Variants in CHD1L observed in about 807,000 individuals in gnomAD.
CHD1L encodes the protein chromodomain helicase DNA binding protein 1 like.
A neutral mutation model predicts 115.9 loss-of-function variants in CHD1L; 118 were observed. The observed-to-expected ratio is 1.02, with a 90% CI of 0.88 to 1.19. CHD1L has a LOEUF of 1.19. Among genes scored for constraint, CHD1L ranks in the 50% most tolerant of loss-of-function variants. CHD1L has a pLI of 0.00. For synonymous variants in CHD1L, 411 were observed against 387.1 expected, an observed-to-expected ratio of 1.06 and a Z score of -0.72; for missense variants, 1,179 against 1,065.3, an observed-to-expected ratio of 1.11 and a Z score of -1.49.
chr1:147,243,096 G>C (rs1319576710), intron 1 of CHD1L: 1 of 306,510 alleles, frequency 3.3e-6, no homozygotes, highest in Non-Finnish European at 5.9e-6. Context: ...GCCTGTGGAG[G>C]GGAAACGTGG....
intron 6 of CHD1L, among the ~76,000 whole-genome samples, chr1:147,261,605 T>G (rs1389910905): frequency 6.6e-6 from 1 of 152,010 alleles, no homozygotes; most frequent in African/African-American, 2.4e-5. Context: ...ACTGTGCCAG[T>G]TTACTAATTT....
chr1:147,209,164 A>G, the CHD1L span: 10 of 787,406 alleles, frequency 1.3e-5, no homozygotes, highest in East Asian at 8.9e-5. Context: ...TCACGCCTGT[A>G]ATCCCAGCAC....
chr1:147,287,795 C>T, intron 19 of CHD1L, 62 bp downstream of exon 19: 3 of 1,394,692 alleles, frequency 2.2e-6, no homozygotes, highest in Non-Finnish European at 3.0e-6. Flanking sequence ...ACACCTAAGA[C>T]TGTATCGTGA....
At chr1:147,258,203 C>G (rs1553941663) in intron 5 of CHD1L, among the ~76,000 whole-genome samples, 1 of 152,084 alleles carries the variant, frequency 6.6e-6, no homozygotes, top group Non-Finnish European at 1.5e-5. Flanking sequence ...CTCTTTGGAT[C>G]AAGAGGATTA....
intron 12 of CHD1L, 145 bp downstream of exon 12, chr1:147,272,426 A>G: frequency 6.7e-6 from 4 of 595,496 alleles, no homozygotes; most frequent in Non-Finnish European, 2.9e-6. Context: ...GACATCAAGC[A>G]TGGTGCTGTT....
At position 147,286,466 on chromosome 1, in the gene CHD1L, T is replaced by TG; in HGVS notation, c.2191dup (p.Ala731GlyfsTer12). The TG allele has an allele frequency of 6.2e-7, 1 of 1,613,956 alleles. No homozygotes were observed. The highest frequency in any genetic ancestry group is 8.5e-7 in the Non-Finnish European group (1 of 1,180,016). ...GTGGTGATGTCACCCACCCTCAGGCTGGGGCCGAGGATGCTCTCATTGTGC... is the reference window on the plus strand; with the variant it reads ...GTGGTGATGTCACCCACCCTCAGGCTGGGGGCCGAGGATGCTCTCATTGTGC... On this transcript the variant is annotated frameshift_variant, in exon 18 of 23. Coordinates refer to ENST00000369258, the MANE Select transcript of CHD1L (RefSeq NM_004284.6). LOFTEE classifies it high-confidence loss of function.
At chr1:147,275,937 C>A (rs587677377) in intron 13 of CHD1L, among the ~76,000 whole-genome samples, 167 bp from the exon 14 acceptor site, 4 of 152,124 alleles carry the variant, frequency 2.6e-5, no homozygotes, top group Admixed American at 2.0e-4. Flanking sequence ...GAATTTCAGG[C>A]GAGTTCTCTC....
chr1:147,269,100 C>T (rs1281135675), intron 10 of CHD1L, among the ~76,000 whole-genome samples: 2 of 152,160 alleles, frequency 1.3e-5, no homozygotes. Flanking sequence ...CACTTATAAT[C>T]CTAATCCAGC....
At chr1:147,192,709 T>C in the CHD1L span, among the ~76,000 whole-genome samples, 2 of 152,004 alleles carry the variant, frequency 1.3e-5, no homozygotes, top group Non-Finnish European at 2.9e-5. Flanking sequence ...TTATTGAGAG[T>C]TTTTAGCATG....
At chr1:147,182,228 A>T in the CHD1L span, among the ~76,000 whole-genome samples, 1 of 152,206 alleles carries the variant, frequency 6.6e-6, no homozygotes, top group Non-Finnish European at 1.5e-5. Flanking sequence ...AAGTTCTTCC[A>T]ATAAGACTAA....
At chr1:147,265,782 A>G (rs1673646677) in intron 7 of CHD1L, 150 bp from the exon 8 acceptor site, 2 of 611,232 alleles carry the variant, frequency 3.3e-6, no homozygotes, top group Admixed American at 7.3e-5. Flanking sequence ...CAATGAAGGA[A>G]GAAATACTAT....
chr1:147,284,229 A>C, intron 15 of CHD1L, 122 bp from the exon 16 acceptor site: 1 of 715,710 alleles, frequency 1.4e-6, no homozygotes, highest in Non-Finnish European at 2.2e-6. Flanking sequence ...CTTCCTTCAT[A>C]TGGACTTAGC....
the CHD1L span, among the ~76,000 whole-genome samples, chr1:147,236,102 G>T: frequency 1.3e-5 from 2 of 152,286 alleles, no homozygotes; most frequent in South Asian, 4.1e-4. Flanking sequence ...GCAGCTCCAG[G>T]TGCCAGTATG....
chr1:147,284,280 T>C (rs1682148064), intron 15 of CHD1L, 71 bp from the exon 16 acceptor site: 3 of 1,257,676 alleles, frequency 2.4e-6, no homozygotes, highest in Admixed American at 2.5e-5. Flanking sequence ...ACTTTTGTTA[T>C]TGATTTGAAT....
At position 147,254,909 on chromosome 1, in the gene CHD1L, G is replaced by A; in HGVS notation, c.280G>A (p.Asp94Asn). 1 of 1,609,428 alleles carries A rather than the reference G, an allele frequency of 6.2e-7. No individual in the cohort carries two copies. Among genetic ancestry groups the A allele is most frequent in the Non-Finnish European group, 8.5e-7 (1 of 1,178,634 alleles). Residue 94 changes from aspartate to asparagine, a missense_variant, in exon 3 of 23, where the codon GAT becomes AAT. Transcript: ENST00000369258. ...LFIYLAGRLN[D>N]EGPFLILCPL... ...CATTTATTTGGCAGGAAGATTAAAT[G>A]ATGAAGGGCCATTTCTGATTCTTTG... is the stretch of plus-strand genomic sequence containing the variant.
the CHD1L span, chr1:147,212,502 C>T: frequency 6.2e-7 from 1 of 1,613,946 alleles, no homozygotes; most frequent in East Asian, 2.2e-5. Flanking sequence ...ATAGTCTCGA[C>T]TGTGGAAGTA....
chr1:147,259,495 A>G (rs1037296383), intron 5 of CHD1L: 4 of 167,462 alleles, frequency 2.4e-5, no homozygotes, highest in African/African-American at 7.2e-5. Flanking sequence ...TCTGCTTGCT[A>G]TACTCTTTTA....
the CHD1L span, among the ~76,000 whole-genome samples, chr1:147,236,169 T>A: frequency 6.6e-6 from 1 of 152,184 alleles, no homozygotes; most frequent in Non-Finnish European, 1.5e-5. Flanking sequence ...GCAGATTTCA[T>A]GGCTGGCACT....
At chr1:147,284,283 A>G in intron 15 of CHD1L, 68 bp from the exon 16 acceptor site, 3 of 1,292,348 alleles carry the variant, frequency 2.3e-6, no homozygotes, top group Non-Finnish European at 3.2e-6. Flanking sequence ...TTTGTTATTG[A>G]TTTGAATAGC....
Sources: allele counts gnomAD v4.1 joint callset (sites outside exome capture counted in the v4.1 genomes callset), GRCh38; gene constraint gnomAD v4.1.1; transcripts MANE v1.5; gene names NCBI Gene and HGNC (gene_info 2026-07-23, HGNC 2026-07-21).